MAK16: variants seen among roughly 807,000 people sequenced by gnomAD.
MAK16 encodes protein MAK16 homolog.
MAK16 carries 12 observed loss-of-function variants against 49.9 expected under a neutral mutation model. The observed-to-expected ratio is 0.24, with a 90% CI of 0.15 to 0.39. The LOEUF is 0.39. Ranked by LOEUF, MAK16 falls within the 10% of genes least tolerant of loss-of-function variation. The pLI is 1.00. For missense variants in MAK16, 292 were observed against 363.7 expected, an observed-to-expected ratio of 0.80 and a Z score of 1.60; for synonymous variants, 115 against 126.4, an observed-to-expected ratio of 0.91 and a Z score of 0.60.
chr8:33,496,534 C>T, intron 7 of MAK16, 91 bp from the exon 8 acceptor site: 1 of 918,620 alleles, frequency 1.1e-6, no homozygotes, highest in Non-Finnish European at 1.7e-6. Context: ...GATTTAATCA[C>T]TGAGGAAAAA....
In MAK16 at chr8:33,498,599, A is replaced by C. The variant is rs974717644; in HGVS notation, c.873A>C (p.Thr291=). The change falls in exon 10 of 10, where the codon ACA becomes ACC. Residue 291 remains threonine, a synonymous_variant. Transcript: ENST00000360128. ...TGGAAATAGAATACGAGCAGGAGAC[A>C]GAGCCCGTGGCCAAAGCCAAAACCA... ...AYVEIEYEQE[T]EPVAKAKTT 1 of 1,614,044 alleles carries C rather than the reference A, an allele frequency of 6.2e-7. No homozygotes were observed. Among genetic ancestry groups the C allele is most frequent in the African/African-American group, 1.3e-5 (1 of 75,032 alleles).
intron 9 of MAK16, 86 bp from the exon 10 acceptor site, chr8:33,498,346 C>G: frequency 1.8e-6 from 2 of 1,116,474 alleles, no homozygotes; most frequent in Non-Finnish European, 2.6e-6. Context: ...ATGCCCTAGT[C>G]TGTTCTAGAT....
chr8:33,485,555 G>A (rs1808674974), intron 1 of MAK16: 4 of 416,882 alleles, frequency 9.6e-6, no homozygotes, highest in Non-Finnish European at 1.8e-5. Flanking sequence ...GGCGGCCCGG[G>A]ATTTGGCGAA....
intron 1 of MAK16, among the ~76,000 whole-genome samples, chr8:33,487,589 C>T (rs981256696): frequency 6.6e-6 from 1 of 151,952 alleles, no homozygotes; most frequent in Non-Finnish European, 1.5e-5. Flanking sequence ...CCACACCTGG[C>T]TAATTTTTCT....
chr8:33,491,471 C>T (rs1028556214), intron 6 of MAK16, among the ~76,000 whole-genome samples: 9 of 152,132 alleles, frequency 5.9e-5, no homozygotes, highest in African/African-American at 2.2e-4. Flanking sequence ...AGATAAAAGC[C>T]ATTTTAACTG....
rs1478037503 is a variant in MAK16, at chr8:33,495,598, G to A, written c.504G>A (p.Glu168=). Residue 168 remains glutamate, a synonymous_variant, in exon 7 of 10, where the codon GAG becomes GAA. Transcript: ENST00000360128. Reference sequence around the variant, plus strand: ...ATGCCATTGAGAAGGAATTACTGGAGAGACTGAAACAAGATACGGTGAGAA... The same window carrying A: ...ATGCCATTGAGAAGGAATTACTGGAAAGACTGAAACAAGATACGGTGAGAA... ...LDNAIEKELL[E]RLKQDTYGDI... is the part of the protein sequence containing the mutation. 6.2e-7 allele frequency: 1 copy of A among 1,600,206 alleles called. No individual in the cohort carries two copies. The highest frequency in any genetic ancestry group is 1.3e-5 in the African/African-American group (1 of 74,532).
chr8:33,494,246 T>C (rs1808821028), intron 6 of MAK16, among the ~76,000 whole-genome samples: 1 of 152,138 alleles, frequency 6.6e-6, no homozygotes, highest in Non-Finnish European at 1.5e-5. Flanking sequence ...GCTAATTTTT[T>C]GTGTTTTTAG....
Position 33,496,746 on chromosome 8 carries a change from GTC to G in MAK16, c.639+7_639+8del, listed in dbSNP as rs1391832817. ...GATGATGATGATGATGAGGAAGTAA[GTC>G]TTGTTTTTGTTTTGCCAAACCTACT... is the stretch of plus-strand genomic sequence containing the variant. On this transcript the variant is annotated splice_donor_region_variant and intron_variant, in intron 8 of 9. Coordinates refer to ENST00000360128, the MANE Select transcript of MAK16 (RefSeq NM_032509.4). 1.9e-6 allele frequency: 3 copies of G among 1,598,156 alleles called. No homozygotes were observed. Among genetic ancestry groups the G allele is most frequent in the Non-Finnish European group, 2.6e-6 (3 of 1,170,726 alleles).
intron 1 of MAK16, among the ~76,000 whole-genome samples, chr8:33,485,799 C>T (rs1359918318): frequency 6.6e-6 from 1 of 152,196 alleles, no homozygotes. Flanking sequence ...TGTCCCACCT[C>T]TCCTGGAACA....
intron 6 of MAK16, among the ~76,000 whole-genome samples, chr8:33,491,914 G>A (rs1350960821): frequency 6.6e-6 from 1 of 152,100 alleles, no homozygotes; most frequent in Non-Finnish European, 1.5e-5. Context: ...GATTACAGGT[G>A]TGAGCCACCA....
chr8:33,497,338 CAAA>C (rs35141506), intron 9 of MAK16, 41 bp downstream of exon 9: 6,666 of 520,328 alleles, frequency 0.013, no homozygotes, highest in South Asian at 0.028. Flanking sequence ...TGGCCTGCAG[CAAA>C]AAAAAAAAAA....
At position 33,500,979 on chromosome 8, in the gene MAK16, T is replaced by G. The variant is rs1432754497; in HGVS notation, c.*2350T>G. On this transcript the variant is annotated 3_prime_UTR_variant, in exon 10 of 10. Transcript: ENST00000360128. ...CTGTCATTTAATTTCAGATCCTAGCTCATCATCAGTGAAGTCCAGCCTACT... is the reference window on the plus strand; with the variant it reads ...CTGTCATTTAATTTCAGATCCTAGCGCATCATCAGTGAAGTCCAGCCTACT... 1 of 160,408 alleles carries G rather than the reference T, an allele frequency of 6.2e-6. No homozygotes were observed. The highest frequency in any genetic ancestry group is 1.4e-5 in the Non-Finnish European group (1 of 72,992). 9.9% of individuals were successfully genotyped at this position (160,408 alleles called of 1,614,324 possible).
rs1808843650 is a variant in MAK16 at position 33,495,562 on chromosome 8, T to G, written c.468T>G (p.Ala156=). ...KRREEKALIA[A]QLDNAIEKEL... is the part of the protein sequence containing the mutation. ...TATAGGAAAAGGCATTAATAGCTGC[T>G]CAGCTGGACAATGCCATTGAGAAGG... The change falls in exon 7 of 10, where the codon GCT becomes GCG. Residue 156 remains alanine, a synonymous_variant. Transcript: ENST00000360128. 1 of 1,613,742 alleles carries G rather than the reference T, an allele frequency of 6.2e-7. No homozygotes were observed. Among genetic ancestry groups the G allele is most frequent in the East Asian group, 2.2e-5 (1 of 44,866 alleles).
chr8:33,488,585 G>A lies in MAK16; in HGVS notation c.131G>A (p.Cys44Tyr). 1.2e-6 allele frequency: 2 copies of A among 1,614,100 alleles called. No homozygotes were observed. Among genetic ancestry groups the A allele is most frequent in the Non-Finnish European group, 1.7e-6 (2 of 1,180,026 alleles). ...ACTGGACTGTGTAATCGGTCATCCTGTCCCCTGGCAAATAGTCAGTATGCC... is the reference window on the plus strand; with the variant it reads ...ACTGGACTGTGTAATCGGTCATCCTATCCCCTGGCAAATAGTCAGTATGCC... ...SLTGLCNRSS[C>Y]PLANSQYATI... Residue 44 changes from cysteine (C) to tyrosine (Y), a missense_variant, in exon 3 of 10, where the codon TGT (cysteine) becomes TAT (tyrosine). By Grantham distance (194) the Cys-to-Tyr change is radical. Transcript: ENST00000360128.
Position 33,497,289 on chromosome 8 carries a change from G to A in MAK16, c.697G>A (p.Asp233Asn). The A allele has an allele frequency of 6.4e-7, 1 of 1,554,182 alleles. No homozygotes were observed. The highest frequency in any genetic ancestry group is 8.8e-7 in the Non-Finnish European group (1 of 1,138,848). Reference protein sequence around the residue: ...DGEVDESDISDFEDMDKLDAS... With the variant: ...DGEVDESDISNFEDMDKLDAS... ...TGAGGTAGATGAGAGTGACATAAGT[G>A]ATTTTGAGGTGAGCTTTATGGGTAA... The change falls in exon 9 of 10, where the codon GAT (aspartate) becomes AAT (asparagine). Residue 233 changes from aspartate (D) to asparagine (N), a missense_variant. Coordinates refer to ENST00000360128, the MANE Select transcript of MAK16 (RefSeq NM_032509.4).
At chr8:33,485,351 C>T (rs1808669069) in intron 1 of MAK16, 130 bp downstream of exon 1, 2 of 1,229,638 alleles carry the variant, frequency 1.6e-6, no homozygotes, top group South Asian at 1.2e-5. Flanking sequence ...GCTTCCGGAA[C>T]CCCGATTTTC....
Position 33,499,129 on chromosome 8 carries a change from G to A in MAK16, c.*500G>A, listed in dbSNP as rs757565277. On this transcript the variant is annotated 3_prime_UTR_variant, in exon 10 of 10. Transcript: ENST00000360128. ...TAAATAACTCCATTCATACAAATTG[G>A]GATGGGAAGAAAATCCTTTCCTCTT... 5 of 1,470,422 alleles carry A rather than the reference G, an allele frequency of 3.4e-6. No homozygotes were observed. The highest frequency in any genetic ancestry group is 4.8e-6 in the Non-Finnish European group (5 of 1,049,702). 91.1% of individuals were successfully genotyped at this position (1,470,422 alleles called of 1,614,324 possible).
At position 33,501,183 on chromosome 8, in the gene MAK16, T is replaced by C. The variant is rs1809063640; in HGVS notation, c.*2554T>C. ...TAAACAAAAAACCCTAAAAAAACTT[T>C]AATGAAAGGTGGAAAATAATTTAAC... On this transcript the variant is annotated 3_prime_UTR_variant, in exon 10 of 10. Transcript: ENST00000360128. The C allele has an allele frequency of 6.6e-6, 1 of 152,214 alleles. No homozygotes were observed. Among genetic ancestry groups the C allele is most frequent in the African/African-American group, 2.4e-5 (1 of 41,456 alleles). 9.4% of individuals were successfully genotyped at this position (152,214 alleles called of 1,614,324 possible).
At chr8:33,485,355 G>T in intron 1 of MAK16, 134 bp downstream of exon 1, 2 of 1,220,136 alleles carry the variant, frequency 1.6e-6, no homozygotes, top group Admixed American at 1.9e-5. Context: ...CCGGAACCCC[G>T]ATTTTCCAAC....
Sources: gnomAD v4.1 joint callset for allele counts (sites outside exome capture counted in the v4.1 genomes callset) on GRCh38, gnomAD v4.1.1 for gene constraint, MANE v1.5 for transcripts, NCBI Gene and HGNC (gene_info 2026-07-23, HGNC 2026-07-21) for gene names.